The following COP1 variants were observed in gnomAD, a reference collection of about 807,000 sequenced individuals.
The protein encoded by COP1 is COP1 E3 ubiquitin ligase.
A neutral mutation model predicts 101.3 loss-of-function variants in COP1; 24 were observed. The observed-to-expected ratio is 0.24, with a 90% CI of 0.17 to 0.33. The LOEUF is 0.33. COP1 is among the 10% of genes least tolerant of loss of function. The probability of loss-of-function intolerance (pLI) is 1.00; values close to 1 mark genes in which losing one functional copy is unlikely to be tolerated. For missense variants in COP1, 663 were observed against 906.2 expected (o/e 0.73, Z 3.45); for synonymous variants, 347 against 341.9 (o/e 1.01, Z -0.17).
chr1:175,979,467 A>C (rs1271872807), intron 18 of COP1, among the ~76,000 whole-genome samples: 1 of 149,638 alleles, frequency 6.7e-6, no homozygotes, highest in African/African-American at 2.4e-5. Context: ...CTTAGATAAA[A>C]CTCACATAAA....
chr1:176,149,047 G>C lies in COP1; in HGVS notation c.790C>G (p.Leu264Val), dbSNP rs764390743. 1.9e-6 allele frequency: 3 copies of C among 1,588,478 alleles called. No homozygotes were observed. The highest frequency in any genetic ancestry group is 2.6e-6 in the Non-Finnish European group (3 of 1,163,718). Residue 264 changes from leucine (L) to valine (V), a missense_variant, in exon 6 of 20, where the codon CTT becomes GTT. Leu to Val is a conservative substitution (Grantham distance 32). This residue lies in a region of COP1 where 212 missense variants were observed against 240.7 expected (regional missense o/e 0.88). Transcript: ENST00000367669. ...AESHAAQLQI[L>V]MEFLKVARRN... ...CTTGCAACCTTGAGGAATTCCATAA[G>C]AATCTGTAGTTGGGCTGCATGTGAT... is the stretch of plus-strand genomic sequence containing the variant.
chr1:176,075,118 G>GC (rs1364139698), intron 11 of COP1, among the ~76,000 whole-genome samples: 1 of 152,068 alleles, frequency 6.6e-6, no homozygotes, highest in Non-Finnish European at 1.5e-5. Context: ...GCCTAGTCTG[G>GC]CCTAGCCTGC....
intron 9 of COP1, among the ~76,000 whole-genome samples, chr1:176,107,998 A>T (rs1684611790): frequency 1.3e-5 from 2 of 150,906 alleles, no homozygotes; most frequent in South Asian, 4.2e-4. Context: ...TGACAAATAA[A>T]TGCAACAAGT....
intron 8 of COP1, among the ~76,000 whole-genome samples, chr1:176,124,409 G>GC (rs1687679352): frequency 3.0e-5 from 2 of 66,222 alleles, no homozygotes; most frequent in African/African-American, 6.4e-5. Context: ...CACCTCCCCT[G>GC]CCCCCCAGCC....
intron 9 of COP1, among the ~76,000 whole-genome samples, chr1:176,113,185 C>G (rs567466574): frequency 6.6e-6 from 1 of 152,184 alleles, no homozygotes; most frequent in Admixed American, 6.5e-5. Context: ...GGCATTCACT[C>G]TTTCTCCACG....
intron 5 of COP1, among the ~76,000 whole-genome samples, chr1:176,160,841 G>A (rs1180462497): frequency 6.6e-6 from 1 of 152,150 alleles, no homozygotes; most frequent in Admixed American, 6.6e-5. Context: ...CTGTTATGAA[G>A]CAGTCCAGAG....
chr1:176,063,160 C>T (rs917797693), intron 11 of COP1, among the ~76,000 whole-genome samples: 9 of 145,446 alleles, frequency 6.2e-5, no homozygotes, highest in Admixed American at 1.4e-4. Context: ...CCTGGGTTCA[C>T]GCCATTCTCC....
At chr1:176,014,856 T>C (rs927522129) in intron 15 of COP1, among the ~76,000 whole-genome samples, 2 of 152,142 alleles carry the variant, frequency 1.3e-5, no homozygotes, top group African/African-American at 2.4e-5. Context: ...AAATCTATTA[T>C]GCGCAGTTGT....
At chr1:176,167,351 T>C (rs1350448083) in intron 3 of COP1, among the ~76,000 whole-genome samples, 1 of 152,204 alleles carries the variant, frequency 6.6e-6, no homozygotes, top group Non-Finnish European at 1.5e-5. Context: ...TAATGATCAG[T>C]GTCTGTCTTG....
chr1:176,045,859 T>C (rs1036953827), intron 12 of COP1, among the ~76,000 whole-genome samples: 3 of 151,934 alleles, frequency 2.0e-5, no homozygotes, highest in African/African-American at 7.2e-5. Context: ...CAAATACTAT[T>C]CATAAGCTAC....
intron 6 of COP1, among the ~76,000 whole-genome samples, chr1:176,140,318 G>A (rs1190233084): frequency 7.9e-5 from 12 of 152,152 alleles, no homozygotes; most frequent in Admixed American, 7.9e-4. Context: ...TGAAGGCATG[G>A]TGTTGTCCTG....
intron 3 of COP1, among the ~76,000 whole-genome samples, chr1:176,169,399 T>C (rs1481669568): frequency 6.6e-6 from 1 of 152,172 alleles, no homozygotes; most frequent in Non-Finnish European, 1.5e-5. Flanking sequence ...TTCTTAATGC[T>C]TAAGAGGAAA....
chr1:176,031,246 A>C (rs1280109389), intron 14 of COP1, among the ~76,000 whole-genome samples: 1 of 152,210 alleles, frequency 6.6e-6, no homozygotes, highest in Non-Finnish European at 1.5e-5. Flanking sequence ...TAATGAAATA[A>C]TATTGAAATC....
At chr1:176,166,329 G>A (rs1326765895) in intron 3 of COP1, among the ~76,000 whole-genome samples, 4 of 152,088 alleles carry the variant, frequency 2.6e-5, no homozygotes, top group Non-Finnish European at 4.4e-5. Flanking sequence ...GTTTCACCAT[G>A]TTGCCCAGGC....
intron 11 of COP1, among the ~76,000 whole-genome samples, chr1:176,067,574 G>T (rs146890389): frequency 2.2e-3 from 338 of 152,112 alleles, no homozygotes; most frequent in South Asian, 6.9e-3. Context: ...CGACTCCAGG[G>T]GAAACCCACT....
intron 9 of COP1, among the ~76,000 whole-genome samples, chr1:176,088,802 C>T (rs954573216): frequency 2.6e-5 from 4 of 151,398 alleles, no homozygotes; most frequent in African/African-American, 9.7e-5. Context: ...TCAAGACCAG[C>T]CTGACCAACA....
intron 3 of COP1, among the ~76,000 whole-genome samples, chr1:176,164,752 G>C (rs755367184): frequency 6.6e-6 from 1 of 152,058 alleles, no homozygotes; most frequent in Non-Finnish European, 1.5e-5. Context: ...CCCGTGAATC[G>C]ATACATTTTC....
Position 176,027,582 on chromosome 1 carries a change from G to A in COP1, c.1719C>T (p.Phe573=), listed in dbSNP as rs776140400. ...GCTTTCATTTCTTACCTGCACAGCC[G>A]AAAGCCAAATGGTATCTGGAAGAGG... ...FSPSSRYHLA[F]GCADHCVHYY... is the part of the protein sequence containing the mutation. Residue 573 remains phenylalanine, a synonymous_variant, in exon 15 of 20, where the codon TTC becomes TTT. Transcript: ENST00000367669. The A allele has an allele frequency of 1.9e-5, 31 of 1,608,714 alleles. No homozygotes were observed. The highest frequency in any genetic ancestry group is 1.2e-4 in the African/African-American group (9 of 74,768).
At chr1:176,172,218 T>C (rs192048636) in intron 3 of COP1, among the ~76,000 whole-genome samples, 1 of 152,128 alleles carries the variant, frequency 6.6e-6, no homozygotes, top group Admixed American at 6.5e-5. Context: ...CCTGGCTAAT[T>C]TTTTATAGAG....
Sources: allele counts gnomAD v4.1 joint callset (sites outside exome capture counted in the v4.1 genomes callset), GRCh38; gene constraint gnomAD v4.1.1; regional missense constraint gnomAD v4.1.1; transcripts MANE v1.5; gene names NCBI Gene and HGNC (gene_info 2026-07-23, HGNC 2026-07-21).